Variants in TBC1D5 observed in about 807,000 individuals in gnomAD.
TBC1D5 encodes TBC1 domain family member 5.
Under a neutral mutation model 100.3 loss-of-function variants are expected in TBC1D5, and 75 were observed. The observed-to-expected ratio is 0.75, with a 90% CI of 0.62 to 0.91. The LOEUF (loss-of-function observed/expected upper bound fraction) is 0.91, where lower values mean the gene tolerates loss of function less well. TBC1D5 is among the 40% of genes least tolerant of loss of function. TBC1D5 has a pLI of 0.00. For missense variants in TBC1D5, 910 were observed against 942.4 expected (o/e 0.97, Z 0.45); for synonymous variants, 323 against 325.6 (o/e 0.99, Z 0.09).
chr3:17,408,095 T>C (rs2093821269), intron 4 of TBC1D5, among the ~76,000 whole-genome samples: 1 of 152,016 alleles, frequency 6.6e-6, no homozygotes. Flanking sequence ...AGCTGTGCAG[T>C]AAGGAAAGCT....
intron 13 of TBC1D5, among the ~76,000 whole-genome samples, chr3:17,319,608 C>T (rs956248722): frequency 1.3e-4 from 20 of 152,010 alleles, no homozygotes; most frequent in African/African-American, 4.8e-4. Flanking sequence ...AGGTATTTAC[C>T]TGGTAAAAGC....
chr3:17,481,274 AC>A (rs542662534), intron 3 of TBC1D5, among the ~76,000 whole-genome samples: 2 of 152,316 alleles, frequency 1.3e-5, no homozygotes, highest in South Asian at 4.1e-4. Flanking sequence ...AGTGGCCAGA[AC>A]CCATACTTGC....
intron 2 of TBC1D5, among the ~76,000 whole-genome samples, chr3:17,623,202 G>C (rs1219676188): frequency 6.6e-6 from 1 of 152,166 alleles, no homozygotes. Flanking sequence ...ATGAAACACA[G>C]ATTCTGACTT....
intron 3 of TBC1D5, among the ~76,000 whole-genome samples, chr3:17,491,572 T>A (rs1211687140): frequency 6.6e-6 from 1 of 152,138 alleles, no homozygotes; most frequent in African/African-American, 2.4e-5. Flanking sequence ...AATCATGTGG[T>A]TTTGTCTTTA....
chr3:17,585,780 G>C (rs1366723664), intron 2 of TBC1D5, among the ~76,000 whole-genome samples: 1 of 152,124 alleles, frequency 6.6e-6, no homozygotes, highest in Non-Finnish European at 1.5e-5. Flanking sequence ...ATCCCAGGCA[G>C]CTGGAGTAAG....
intron 18 of TBC1D5, among the ~76,000 whole-genome samples, chr3:17,187,891 C>A (rs2069342485): frequency 6.6e-6 from 1 of 152,196 alleles, no homozygotes; most frequent in Admixed American, 6.5e-5. Context: ...TCTATTTACT[C>A]CATGCATTAG....
chr3:17,445,956 A>C (rs2094782791), intron 3 of TBC1D5, among the ~76,000 whole-genome samples: 1 of 152,188 alleles, frequency 6.6e-6, no homozygotes, highest in South Asian at 2.1e-4. Flanking sequence ...GAAGAACAAC[A>C]GGGAAGGATC....
At chr3:17,463,943 CTTTTTTTTTTTTT>C (rs1025162858) in intron 3 of TBC1D5, among the ~76,000 whole-genome samples, 4 of 87,530 alleles carry the variant, frequency 4.6e-5, no homozygotes, top group Non-Finnish European at 6.4e-5. Context: ...TTCCTTATTC[CTTTTTTTTTTTTT>C]TTTTTTTTTT....
At chr3:17,540,631 G>A (rs1560118282) in intron 2 of TBC1D5, among the ~76,000 whole-genome samples, 1 of 151,976 alleles carries the variant, frequency 6.6e-6, no homozygotes, top group Non-Finnish European at 1.5e-5. Flanking sequence ...TTGACTGGCT[G>A]GGCACAGTGG....
intron 15 of TBC1D5, among the ~76,000 whole-genome samples, chr3:17,263,366 C>CAAAAAA (rs71049192): frequency 1.2e-5 from 1 of 80,958 alleles, no homozygotes; most frequent in Non-Finnish European, 2.4e-5. Context: ...ACCCTGTCTC[C>CAAAAAA]AAAAAAAAAA....
exon 1 of TBC1D5, chr3:17,739,611 G>A (rs1361800891): frequency 2.0e-5 from 3 of 152,234 alleles, no homozygotes; most frequent in Non-Finnish European, 4.4e-5. Context: ...CAGTGAACAA[G>A]TGCAAGCAAA....
At chr3:17,643,715 G>C (rs2064752343) in intron 1 of TBC1D5, among the ~76,000 whole-genome samples, 1 of 152,086 alleles carries the variant, frequency 6.6e-6, no homozygotes, top group South Asian at 2.1e-4. Flanking sequence ...TTAACTCCCT[G>C]AATCCGATGT....
intron 13 of TBC1D5, among the ~76,000 whole-genome samples, chr3:17,348,854 T>C (rs888056969): frequency 5.3e-5 from 8 of 152,160 alleles, no homozygotes; most frequent in Non-Finnish European, 1.0e-4. Flanking sequence ...AAATTGAAAC[T>C]GAAACAAAAT....
chr3:17,732,304 C>T (rs1473676476), intron 1 of TBC1D5, among the ~76,000 whole-genome samples: 2 of 151,764 alleles, frequency 1.3e-5, no homozygotes, highest in African/African-American at 2.4e-5. Flanking sequence ...GGCAACAGAG[C>T]GAGACTCCAT....
chr3:17,572,825 T>C (rs1319311145), intron 2 of TBC1D5, among the ~76,000 whole-genome samples: 3 of 152,056 alleles, frequency 2.0e-5, no homozygotes, highest in African/African-American at 7.2e-5. Flanking sequence ...TTGGACAAGT[T>C]TCTCTTTTCC....
intron 3 of TBC1D5, among the ~76,000 whole-genome samples, chr3:17,459,904 C>T (rs1451205306): frequency 6.6e-6 from 1 of 152,088 alleles, no homozygotes; most frequent in Non-Finnish European, 1.5e-5. Flanking sequence ...CAGATAAGGA[C>T]AGGATGAAAA....
intron 2 of TBC1D5, among the ~76,000 whole-genome samples, chr3:17,545,388 C>T (rs2096404928): frequency 6.6e-6 from 1 of 152,220 alleles, no homozygotes; most frequent in African/African-American, 2.4e-5. Context: ...TGATCTCAGA[C>T]TTACAGCTTC....
At chr3:17,241,205 C>A (rs575202937) in intron 16 of TBC1D5, among the ~76,000 whole-genome samples, 1 of 152,100 alleles carries the variant, frequency 6.6e-6, no homozygotes, top group African/African-American at 2.4e-5. Context: ...CCAAAGTTAT[C>A]TAATTTAGAA....
chr3:17,499,914 A>T (rs547353905), intron 3 of TBC1D5, among the ~76,000 whole-genome samples: 1 of 149,190 alleles, frequency 6.7e-6, no homozygotes, highest in East Asian at 1.9e-4. Context: ...ACAACCTCCC[A>T]TGTCTGGGGG....
Sources: gnomAD v4.1 joint callset for allele counts (sites outside exome capture counted in the v4.1 genomes callset) on GRCh38, gnomAD v4.1.1 for gene constraint, MANE v1.5 for transcripts, NCBI Gene and HGNC (gene_info 2026-07-23, HGNC 2026-07-21) for gene names.